DLG3: variants seen among roughly 807,000 people sequenced by gnomAD.
DLG3 encodes disks large homolog 3.
A neutral mutation model predicts 64.1 loss-of-function variants in DLG3; 1 was observed. That is an observed-to-expected ratio of 0.02 (90% CI 0.01 to 0.07). DLG3 has a LOEUF of 0.07. Among genes scored for constraint, DLG3 ranks in the 10% least tolerant of loss-of-function variants. The pLI is 1.00. For synonymous variants in DLG3, 245 were observed against 259.8 expected, an observed-to-expected ratio of 0.94 and a Z score of 0.55; for missense variants, 429 against 669.5, an observed-to-expected ratio of 0.64 and a Z score of 3.96.
rs376147129 is a variant in DLG3, at chrX:70,498,526, A to C, written c.1826A>C (p.Gln609Pro). The C allele has an allele frequency of 1.7e-6, 2 of 1,210,191 alleles. No individual in the cohort carries two copies. Among genetic ancestry groups the C allele is most frequent in the Non-Finnish European group, 2.2e-6 (2 of 894,650 alleles). ...TCTCTCTTTTTTGTTGCAGAAGGAC[A>C]AGAGGATGCTATTTTGTCATATGAG... ...DYYGAKNLKG[Q>P]EDAILSYEPV... The change falls in exon 14 of 19, where the codon CAA becomes CCA. Residue 609 changes from glutamine (Q) to proline (P), a missense_variant. Transcript: ENST00000374360.
At position 70,451,910 on chromosome X, in the gene DLG3, C is replaced by T. The variant is rs1569269977; in HGVS notation, c.1029C>T (p.Ser343=). The T allele has an allele frequency of 1.7e-6, 2 of 1,211,548 alleles. No individual in the cohort carries two copies. The highest frequency in any genetic ancestry group is 5.9e-5 in the East Asian group (2 of 33,827). The change falls in exon 7 of 19, where the codon AGC becomes AGT. Residue 343 remains serine (S), a synonymous_variant. Coordinates refer to ENST00000374360, the MANE Select transcript of DLG3 (RefSeq NM_021120.4). ...ACAACCACATAAGCCATAATTCCAG[C>T]CTGGGTTATCTCGGGGCTGTGGAGA... is the stretch of plus-strand genomic sequence containing the variant. ...LADNHISHNS[S]LGYLGAVESK...
chrX:70,492,030 C>A, intron 10 of DLG3, 77 bp from the exon 11 acceptor site: 1 of 1,084,554 alleles, frequency 9.2e-7, no homozygotes, highest in Non-Finnish European at 1.3e-6. Context: ...TTTGGGTTGG[C>A]CTTCCATCTT....
At chrX:70,452,857 G>A in intron 7 of DLG3, 1 of 846,489 alleles carries the variant, frequency 1.2e-6, no homozygotes, top group Non-Finnish European at 1.6e-6. Context: ...TGGGGCTTTG[G>A]GCTCCTCCGA....
rs1033080004 is a variant in DLG3 at position 70,504,760 on chromosome X, G to A, written c.*2491G>A. ...GGTGAGAAAAATGGCCAGAGAAAGT[G>A]ACCTGCCAGCTACCAGTGTTTCCGA... On this transcript the variant is annotated 3_prime_UTR_variant, in exon 19 of 19. Transcript: ENST00000374360. The A allele has an allele frequency of 3.6e-5, 4 of 111,909 alleles. No individual in the cohort carries two copies. Among genetic ancestry groups the A allele is most frequent in the African/African-American group, 1.3e-4 (4 of 30,675 alleles). 9.2% of individuals were successfully genotyped at this position (111,909 alleles called of 1,213,427 possible).
chrX:70,468,322 G>A (rs1376337482), intron 9 of DLG3, among the ~76,000 whole-genome samples: 3 of 111,250 alleles, frequency 2.7e-5, no homozygotes, highest in Non-Finnish European at 3.8e-5. Context: ...CGCCCGCTTC[G>A]GCCTCCCAAA....
intron 12 of DLG3, chrX:70,493,532 C>T (rs1042623814): frequency 9.5e-7 from 1 of 1,049,244 alleles, no homozygotes; most frequent in Non-Finnish European, 1.3e-6. Flanking sequence ...CTCTCATCCT[C>T]AGTTGCCCTT....
At chrX:70,485,475 T>C (rs186853887) in intron 10 of DLG3, among the ~76,000 whole-genome samples, 1 of 111,683 alleles carries the variant, frequency 9.0e-6, no homozygotes, top group Non-Finnish European at 1.9e-5. Flanking sequence ...GAGGAGTTGC[T>C]GAGCTGGGTG....
chrX:70,477,961 C>G (rs2147838828), intron 9 of DLG3, among the ~76,000 whole-genome samples: 1 of 111,751 alleles, frequency 8.9e-6, no homozygotes, highest in East Asian at 2.8e-4. Context: ...GGGGATGCTT[C>G]TTGCCAGCCC....
intron 12 of DLG3, chrX:70,493,430 T>C (rs1266231549): frequency 1.7e-6 from 2 of 1,208,347 alleles, no homozygotes; most frequent in East Asian, 3.0e-5. Context: ...GTTTCCATTT[T>C]ACAAGAGCAA....
chrX:70,485,107 G>A (rs2087231888), intron 10 of DLG3, among the ~76,000 whole-genome samples: 2 of 111,719 alleles, frequency 1.8e-5, no homozygotes, highest in Admixed American at 9.5e-5. Flanking sequence ...AAGGAATAAA[G>A]TGATATCTTA....
chrX:70,447,797 T>C lies in DLG3; in HGVS notation c.358-1116T>C, dbSNP rs767594122. Among the ~76,000 whole-genome samples, 206 of 112,143 alleles carry C rather than the reference T, an allele frequency of 1.8e-3. 1 individual carries two copies. Among genetic ancestry groups the C allele is most frequent in the African/African-American group, 6.2e-3 (190 of 30,879 alleles). On this transcript the variant is annotated intron_variant, in intron 1 of 18. Coordinates refer to ENST00000374360, the MANE Select transcript of DLG3 (RefSeq NM_021120.4). The stretch of plus-strand genomic sequence containing the variant: ...GCTGCTTGTATGTCCAGAATCACAT[T>C]TTCACTTGACAAATAGATACACACA...
chrX:70,445,143 G>T lies in DLG3; in HGVS notation c.-59G>T. On this transcript the variant is annotated 5_prime_UTR_variant, in exon 1 of 19. Coordinates refer to ENST00000374360, the MANE Select transcript of DLG3 (RefSeq NM_021120.4). The stretch of plus-strand genomic sequence containing the variant: ...GGCGGCGGCGGCGGTGGTGGCGGCG[G>T]TGGCGGCGGCGTGGAATCCGGCGTG... 1 of 972,195 alleles carries T rather than the reference G, an allele frequency of 1.0e-6. No individual in the cohort carries two copies. The highest frequency in any genetic ancestry group is 1.4e-6 in the Non-Finnish European group (1 of 726,735). The allele number at this position is 972,195 out of a possible 1,213,427, so 80.1% of individuals were successfully genotyped here. A position where few individuals can be genotyped will look rare whatever the true frequency, so the allele number is the denominator to read the frequency against.
chrX:70,452,064 A>G (rs748244088), intron 7 of DLG3, 38 bp downstream of exon 7: 1 of 1,201,624 alleles, frequency 8.3e-7, no homozygotes, highest in East Asian at 3.0e-5. Context: ...CAATCTACCC[A>G]GAAATTGGGG....
At chrX:70,501,469 G>A (rs1442966643) in intron 18 of DLG3, among the ~76,000 whole-genome samples, 1 of 98,318 alleles carries the variant, frequency 1.0e-5, no homozygotes, top group African/African-American at 3.9e-5. Context: ...ACATTGGGAA[G>A]GTTTCTATGT....
At chrX:70,455,150 C>T in intron 9 of DLG3, 1 of 751,490 alleles carries the variant, frequency 1.3e-6, no homozygotes, top group Non-Finnish European at 1.6e-6. Flanking sequence ...CTCCTCTCTC[C>T]TCCCCTCCTC....
At chrX:70,466,178 G>T (rs74806036) in intron 9 of DLG3, among the ~76,000 whole-genome samples, 5,505 of 107,745 alleles carry the variant, frequency 0.051, 285 homozygotes, top group Admixed American at 0.22. Flanking sequence ...TCTTTAATTT[G>T]TATTTTAATT....
At chrX:70,481,923 G>A (rs773036218) in intron 10 of DLG3, among the ~76,000 whole-genome samples, 20 of 111,979 alleles carry the variant, frequency 1.8e-4, no homozygotes, top group Admixed American at 1.1e-3. Context: ...AAATCCTGCC[G>A]TATAAATGAC....
At chrX:70,498,118 A>C (rs1337028369) in intron 13 of DLG3, among the ~76,000 whole-genome samples, 1 of 110,457 alleles carries the variant, frequency 9.1e-6, no homozygotes, top group African/African-American at 3.3e-5. Flanking sequence ...GTGTGCCCTG[A>C]CTCCCCTGCA....
intron 9 of DLG3, among the ~76,000 whole-genome samples, chrX:70,465,897 T>C (rs1402471280): frequency 8.9e-6 from 1 of 112,153 alleles, no homozygotes; most frequent in Non-Finnish European, 1.9e-5. Flanking sequence ...ACATTTAGAT[T>C]ATTTCCAATG....
Sources: gnomAD v4.1 joint callset for allele counts (sites outside exome capture counted in the v4.1 genomes callset) on GRCh38, gnomAD v4.1.1 for gene constraint, MANE v1.5 for transcripts, NCBI Gene and HGNC (gene_info 2026-07-23, HGNC 2026-07-21) for gene names.